The following ANK3 variants were observed in gnomAD, a reference collection of about 807,000 sequenced individuals.
ANK3 encodes ankyrin 3.
Under a neutral mutation model 370.9 loss-of-function variants are expected in ANK3, and 57 were observed. The observed-to-expected ratio is 0.15, with a 90% confidence interval of 0.12 to 0.19. The LOEUF (loss-of-function observed/expected upper bound fraction) is 0.19, where lower values mean the gene tolerates loss of function less well. Ranked by LOEUF, ANK3 falls within the 10% of genes least tolerant of loss-of-function variation. ANK3 has a pLI of 1.00. For missense variants in ANK3, 4,439 were observed against 5,302.1 expected (o/e 0.84, Z 5.06); for synonymous variants, 1,929 against 1,946.3 (o/e 0.99, Z 0.23).
At chr10:60,733,290 C>T (rs980077390) in exon 1 of ANK3, 3 of 1,238,132 alleles carry the variant, frequency 2.4e-6, no homozygotes, top group Non-Finnish European at 3.0e-6. Context: ...CCTCGGTGCC[C>T]GCGGGAGAGG....
intron 2 of ANK3, among the ~76,000 whole-genome samples, chr10:60,477,177 G>T (rs1308712577): frequency 6.6e-6 from 1 of 151,784 alleles, no homozygotes; most frequent in Non-Finnish European, 1.5e-5. Context: ...TAACATTTTT[G>T]AAAAAAATTA....
At chr10:60,613,529 C>A (rs1051010808) in intron 2 of ANK3, among the ~76,000 whole-genome samples, 1 of 152,164 alleles carries the variant, frequency 6.6e-6, no homozygotes, top group Admixed American at 6.5e-5. Flanking sequence ...TAGAACATAT[C>A]ATATGGCTAA....
chr10:60,333,302 C>A (rs1018057642), intron 1 of ANK3, among the ~76,000 whole-genome samples: 2 of 151,748 alleles, frequency 1.3e-5, no homozygotes, highest in Non-Finnish European at 2.9e-5. Flanking sequence ...CTCCCCTAGA[C>A]CCCAACCCCC....
At chr10:60,550,019 T>C (rs979664294) in intron 2 of ANK3, among the ~76,000 whole-genome samples, 2 of 152,072 alleles carry the variant, frequency 1.3e-5, no homozygotes, top group African/African-American at 4.8e-5. Flanking sequence ...CATAAGGAAG[T>C]TTGTTTTCAT....
chr10:60,493,003 C>T (rs1473353351), intron 2 of ANK3, among the ~76,000 whole-genome samples: 1 of 150,030 alleles, frequency 6.7e-6, no homozygotes, highest in Non-Finnish European at 1.5e-5. Context: ...TGGTGTGAAT[C>T]CAGGAGGTGG....
rs1012619560 is a variant in ANK3 at position 60,339,839 on chromosome 10, C to T, written c.114+49586G>A. ...TAGCGGTACTAACTAGAATTTACAA[C>T]GCGCTTGCTGTTTCCCAGCTCTCTG... is the stretch of plus-strand genomic sequence containing the variant. On this transcript the variant is annotated intron_variant, in intron 1 of 43. Transcript: ENST00000280772. Among the ~76,000 whole-genome samples, 10 of 152,264 alleles carry T rather than the reference C, an allele frequency of 6.6e-5. 1 individual carries two copies. The highest frequency in any genetic ancestry group is 1.2e-4 in the African/African-American group (5 of 41,560).
chr10:60,131,537 C>G (rs551854202), intron 25 of ANK3, among the ~76,000 whole-genome samples: 54 of 152,334 alleles, frequency 3.5e-4, no homozygotes, highest in African/African-American at 1.2e-3. Context: ...CAACTGACTA[C>G]AAGAGCATCA....
At chr10:60,687,455 A>G (rs2098896836) in intron 1 of ANK3, among the ~76,000 whole-genome samples, 1 of 152,120 alleles carries the variant, frequency 6.6e-6, no homozygotes, top group South Asian at 2.1e-4. Flanking sequence ...AAAATGCTCG[A>G]CATCACTAAT....
intron 1 of ANK3, among the ~76,000 whole-genome samples, chr10:60,692,320 A>G (rs1267808541): frequency 1.3e-5 from 2 of 152,180 alleles, no homozygotes; most frequent in African/African-American, 2.4e-5. Flanking sequence ...GACAAGACCA[A>G]CGTAGCCCAA....
At chr10:60,728,546 C>T (rs2079975087) in intron 1 of ANK3, among the ~76,000 whole-genome samples, 1 of 152,136 alleles carries the variant, frequency 6.6e-6, no homozygotes, top group South Asian at 2.1e-4. Context: ...TCACTTATTA[C>T]TAATTGTCTA....
rs1462477501 is a variant in ANK3 at position 60,643,541 on chromosome 10, T to TATCTATCTATCC, written c.58-28318_58-28317insGGATAGATAGAT. 1.7e-4 allele frequency among the ~76,000 whole-genome samples: 25 copies of TATCTATCTATCC among 143,978 alleles called. 1 individual carries two copies. The highest frequency in any genetic ancestry group is 7.2e-3 in the Middle Eastern group (2 of 276). 94.5% of individuals were successfully genotyped at this position (143,978 alleles called of 152,430 possible). A position where few individuals can be genotyped will look rare whatever the true frequency, so the allele number is the denominator to read the frequency against. On this transcript the variant is annotated intron_variant, in intron 1 of 43. Transcript: ENST00000373827. Reference sequence around the variant, plus strand: ...CTATCTATCTATCTATCTATCTATCTATCCATCCATCCTATTAGCTCTGTA... The same window carrying TATCTATCTATCC: ...CTATCTATCTATCTATCTATCTATCTATCTATCTATCCATCCATCCATCCTATTAGCTCTGTA...
intron 2 of ANK3, among the ~76,000 whole-genome samples, chr10:60,466,780 C>T (rs1237055295): frequency 6.6e-6 from 1 of 152,098 alleles, no homozygotes; most frequent in Admixed American, 6.6e-5. Context: ...ACCTTGAAAA[C>T]ATTATGCTAA....
chr10:60,640,957 A>G (rs1017925944), intron 1 of ANK3, among the ~76,000 whole-genome samples: 4 of 118,610 alleles, frequency 3.4e-5, no homozygotes, highest in African/African-American at 1.2e-4. Flanking sequence ...TCAATGTACA[A>G]AAATCACAAG....
intron 1 of ANK3, among the ~76,000 whole-genome samples, chr10:60,327,279 T>C (rs192824019): frequency 6.6e-4 from 100 of 152,322 alleles, no homozygotes; most frequent in African/African-American, 2.2e-3. Flanking sequence ...TAAATACTTA[T>C]GGAGATTGAC....
chr10:60,532,967 CA>C (rs1001051504), intron 2 of ANK3, among the ~76,000 whole-genome samples: 6 of 151,990 alleles, frequency 3.9e-5, no homozygotes, highest in African/African-American at 9.7e-5. Context: ...CTCGGGGCTG[CA>C]AACAGTTCTT....
intron 5 of ANK3, among the ~76,000 whole-genome samples, chr10:60,265,862 C>T (rs1402430875): frequency 6.6e-6 from 1 of 152,072 alleles, no homozygotes; most frequent in Non-Finnish European, 1.5e-5. Flanking sequence ...AGTACTGTCC[C>T]CTATAAAGTC....
intron 1 of ANK3, among the ~76,000 whole-genome samples, chr10:60,314,870 G>A (rs1160578489): frequency 6.6e-6 from 1 of 152,202 alleles, no homozygotes; most frequent in Non-Finnish European, 1.5e-5. Context: ...CATAAACTAT[G>A]AAGGGAAGAT....
chr10:60,320,471 T>C (rs2132887269), intron 1 of ANK3, among the ~76,000 whole-genome samples: 1 of 152,346 alleles, frequency 6.6e-6, no homozygotes, highest in East Asian at 1.9e-4. Context: ...GGCACATGCC[T>C]GTAATCCCAA....
chr10:60,163,947 A>T (rs1362160494), intron 23 of ANK3, among the ~76,000 whole-genome samples: 2 of 152,186 alleles, frequency 1.3e-5, no homozygotes, highest in African/African-American at 2.4e-5. Flanking sequence ...CAACATGCCT[A>T]TGGCTTCATG....
Sources: gnomAD v4.1 joint callset for allele counts (sites outside exome capture counted in the v4.1 genomes callset) on GRCh38, gnomAD v4.1.1 for gene constraint, MANE v1.5 for transcripts, NCBI Gene and HGNC (gene_info 2026-07-23, HGNC 2026-07-21) for gene names.